The following MUC5AC variants were observed in gnomAD, a reference collection of about 807,000 sequenced individuals.
The protein encoded by MUC5AC is mucin-5AC.
MUC5AC carries 158 observed loss-of-function variants against 169.7 expected under a neutral mutation model. The observed-to-expected ratio is 0.93, with a 90% CI of 0.82 to 1.06. The LOEUF (loss-of-function observed/expected upper bound fraction) is 1.06, where lower values mean the gene tolerates loss of function less well. Among genes scored for constraint, MUC5AC ranks in the 50% least tolerant of loss-of-function variants. The pLI is 0.00. For missense variants in MUC5AC, 4,359 were observed against 3,089.9 expected (o/e 1.41, Z -9.74); for synonymous variants, 1,975 against 1,237.0 (o/e 1.60, Z -12.52).
In MUC5AC at chr11:1,165,363, C is replaced by T; in HGVS notation, c.1191C>T (p.Val397=). Residue 397 remains valine (V), a synonymous_variant, in exon 10 of 49, where the codon GTC becomes GTT. Transcript: ENST00000621226. ...TCCCTGTGTCAAAGTGTGCCTGCGT[C>T]TACAACGGGGCTGCCTATGCCCCAG... The part of the protein sequence containing the change: ...GCVPVSKCAC[V]YNGAAYAPGA... 6.2e-7 allele frequency: 1 copy of T among 1,612,470 alleles called. No homozygotes were observed. The highest frequency in any genetic ancestry group is 8.5e-7 in the Non-Finnish European group (1 of 1,179,728).
intron 15 of MUC5AC, among the ~76,000 whole-genome samples, chr11:1,170,223 T>C (rs1860463899): frequency 2.1e-5 from 1 of 47,460 alleles, no homozygotes; most frequent in Non-Finnish European, 3.6e-5. Context: ...ATTCACCCAT[T>C]CACTCACTCA....
At chr11:1,170,148 C>G (rs1860460574) in intron 15 of MUC5AC, among the ~76,000 whole-genome samples, 2 of 75,218 alleles carry the variant, frequency 2.7e-5, no homozygotes, top group African/African-American at 6.8e-5. Context: ...CCCACTCACC[C>G]ATTCACCCAT....
chr11:1,163,389 C>A (rs1292791906), intron 6 of MUC5AC, among the ~76,000 whole-genome samples: 2 of 152,212 alleles, frequency 1.3e-5, no homozygotes, highest in Non-Finnish European at 2.9e-5. Flanking sequence ...ATGTGACCTG[C>A]ACCAGCCAAG....
chr11:1,166,907 T>C (rs1173718075), intron 11 of MUC5AC, among the ~76,000 whole-genome samples: 218 of 3,690 alleles, frequency 0.059, 9 homozygotes, highest in East Asian at 0.23. Context: ...ACACAGTCTC[T>C]GCACGATGAG....
chr11:1,196,812 G>T lies in MUC5AC; in HGVS notation c.15830-65G>T. On this transcript the variant is annotated intron_variant, in intron 39 of 48. Coordinates refer to ENST00000621226, the MANE Select transcript of MUC5AC (RefSeq NM_001304359.2). Reference sequence around the variant, plus strand: ...GGGGTCTACCCTGGCCCCAATATGGGACCCTGCCTCTCGCCCCTATTGTGG... The same window carrying T: ...GGGGTCTACCCTGGCCCCAATATGGTACCCTGCCTCTCGCCCCTATTGTGG... The T allele has an allele frequency of 4.0e-6, 3 of 744,558 alleles. No individual in the cohort carries two copies. In the South Asian group the frequency reaches 4.2e-5, roughly 10 times the overall value. The allele number at this position is 744,558 out of a possible 1,614,324, so 46.1% of individuals were successfully genotyped here.
At chr11:1,178,298 C>G in intron 24 of MUC5AC, 146 bp from the exon 25 acceptor site, 1 of 399,046 alleles carries the variant, frequency 2.5e-6, no homozygotes, top group Non-Finnish European at 4.4e-6. Flanking sequence ...GGAAGCAGCA[C>G]CTGTGGTCGC....
chr11:1,161,945 T>A lies in MUC5AC; in HGVS notation c.250T>A (p.Trp84Arg). ...PAHNGRVCST[W>R]GSFHYKTFDG... ...GCACAACGGGCGGGTGTGCAGCACC[T>A]GGGGCAGCTTCCACTACAAGACCTT... Residue 84 changes from tryptophan to arginine, a missense_variant, in exon 4 of 49, where the codon TGG (tryptophan) becomes AGG (arginine). By Grantham distance (101) the Trp-to-Arg change is moderately radical (BLOSUM62 -3). Transcript: ENST00000621226. 6.2e-7 allele frequency: 1 copy of A among 1,611,954 alleles called. No individual in the cohort carries two copies. Among genetic ancestry groups the A allele is most frequent in the Non-Finnish European group, 8.5e-7 (1 of 1,179,620 alleles).
At chr11:1,158,099 C>T in intron 1 of MUC5AC, 27 bp downstream of exon 1, 2 of 1,575,836 alleles carry the variant, frequency 1.3e-6, no homozygotes, top group South Asian at 1.2e-5. Flanking sequence ...GGCCGCTCTA[C>T]TGGTCCTGGG....
chr11:1,189,234 A>G lies in MUC5AC; in HGVS notation c.11089A>G (p.Thr3697Ala), dbSNP rs1198153906. 1.0e-5 allele frequency: 6 copies of G among 593,360 alleles called. No individual in the cohort carries two copies. The highest frequency in any genetic ancestry group is 3.7e-5 in the African/African-American group (2 of 53,778). The allele number at this position is 593,360 out of a possible 1,614,324, so 36.8% of individuals were successfully genotyped here. The change falls in exon 31 of 49, where the codon ACC becomes GCC. Residue 3697 changes from threonine (T) to alanine (A), a missense_variant. Transcript: ENST00000621226. ...AACCTCTGCCCCAACAACCAGCACA[A>G]CCTCTGCTCCCACAACGAGCACAAC... Reference protein sequence around the residue: ...STTSAPTTSTTSAPTTSTTSA... With the variant: ...STTSAPTTSTASAPTTSTTSA...
At chr11:1,194,816 G>A (rs577136640) in intron 35 of MUC5AC, 146 bp downstream of exon 35, 10 of 610,334 alleles carry the variant, frequency 1.6e-5, no homozygotes, top group African/African-American at 5.5e-5. Flanking sequence ...TGAGGCTTAC[G>A]CCTGCCGGTA....
Position 1,166,150 on chromosome 11 carries a change from G to C in MUC5AC, c.1386+390G>C, listed in dbSNP as rs182774201. 2.8e-4 allele frequency among the ~76,000 whole-genome samples: 42 copies of C among 151,610 alleles called. No homozygotes were observed. The East Asian group carries it at 7.6e-3, about 27-fold the overall frequency. On this transcript the variant is annotated intron_variant, in intron 11 of 48. Coordinates refer to ENST00000621226, the MANE Select transcript of MUC5AC (RefSeq NM_001304359.2). ...CAAACACACAGTCTCTCCCAGAGGAGACCCTGCACCCAACACACAGTCTCC... is the reference window on the plus strand; with the variant it reads ...CAAACACACAGTCTCTCCCAGAGGACACCCTGCACCCAACACACAGTCTCC...
At chr11:1,182,099 G>GA in intron 30 of MUC5AC, 56 bp from the exon 31 acceptor site, 1 of 246,352 alleles carries the variant, frequency 4.1e-6, no homozygotes, top group Non-Finnish European at 6.3e-6. Flanking sequence ...AGGGAGGGGC[G>GA]GGCGGCCCCC....
chr11:1,193,993 C>T (rs1025235289), intron 33 of MUC5AC, 117 bp from the exon 34 acceptor site: 11 of 673,828 alleles, frequency 1.6e-5, no homozygotes, highest in African/African-American at 1.0e-4. Context: ...GTCTTGTGCG[C>T]CCTGTGAGAT....
Position 1,200,589 on chromosome 11 carries a change from C to A in MUC5AC, c.16852C>A (p.Arg5618=). The change falls in exon 49 of 49, where the codon CGG becomes AGG. Residue 5618 remains arginine, a synonymous_variant. Coordinates refer to ENST00000621226, the MANE Select transcript of MUC5AC (RefSeq NM_001304359.2). ...GGAAGAGTGCGGCTGCATGGGCCGG[C>A]GGTGCCCTGCGCCGGGCGACACCCA... is the stretch of plus-strand genomic sequence containing the variant. ...EVEECGCMGR[R]CPAPGDTQHS... The A allele has an allele frequency of 2.6e-6, 2 of 764,454 alleles. No homozygotes were observed. Among genetic ancestry groups the A allele is most frequent in the South Asian group, 1.3e-5 (1 of 74,562 alleles). The allele number at this position is 764,454 out of a possible 1,614,324, so 47.4% of individuals were successfully genotyped here. A position where few individuals can be genotyped will look rare whatever the true frequency, so the allele number is the denominator to read the frequency against.
chr11:1,173,641 C>T (rs1860608150), intron 16 of MUC5AC, among the ~76,000 whole-genome samples: 7 of 151,216 alleles, frequency 4.6e-5, no homozygotes, highest in Admixed American at 4.6e-4. Context: ...CTCACTCATC[C>T]ACTCACTGAT....
In MUC5AC at chr11:1,179,358, A is replaced by G. The variant is rs919229290; in HGVS notation, c.3484+110A>G. The G allele has an allele frequency of 4.9e-5, 23 of 465,580 alleles. 1 individual carries two copies. The Admixed American group carries it at 8.1e-4, about 16-fold the overall frequency. 28.8% of individuals were successfully genotyped at this position (465,580 alleles called of 1,614,324 possible). On this transcript the variant is annotated intron_variant, in intron 26 of 48. Transcript: ENST00000621226. The stretch of plus-strand genomic sequence containing the variant: ...GTGGGGCGGGTGGGGAAGGTTTCCA[A>G]ATAAACAGAAACACCTGGGCCCAGA...
rs769695038 is a variant in MUC5AC, at chr11:1,194,669, C to T, written c.15189C>T (p.Cys5063=). 13 of 754,066 alleles carry T rather than the reference C, an allele frequency of 1.7e-5. No individual in the cohort carries two copies. The highest frequency in any genetic ancestry group is 1.2e-4 in the East Asian group (5 of 41,018). 46.7% of individuals were successfully genotyped at this position (754,066 alleles called of 1,614,324 possible). Residue 5063 remains cysteine (C), a splice_region_variant and synonymous_variant, in exon 35 of 49, where the codon TGC becomes TGT. Coordinates refer to ENST00000621226, the MANE Select transcript of MUC5AC (RefSeq NM_001304359.2). The part of the protein sequence containing the change: ...SKFANNTEGQ[C]GTCTNDRKDE... ...TTGCCAACAACACCGAGGGCCAGTGCGGTGAGGCCACAGGGCTCCCGGGCA... is the reference window on the plus strand; with the variant it reads ...TTGCCAACAACACCGAGGGCCAGTGTGGTGAGGCCACAGGGCTCCCGGGCA...
chr11:1,194,056 G>A (rs934627120), intron 33 of MUC5AC, 54 bp from the exon 34 acceptor site: 50 of 755,020 alleles, frequency 6.6e-5, no homozygotes, highest in Non-Finnish European at 1.1e-4. Context: ...AAAGCCCCAG[G>A]GCCATGGTGC....
chr11:1,200,254 G>T (rs1041451731), intron 48 of MUC5AC, among the ~76,000 whole-genome samples, 184 bp from the exon 49 acceptor site: 4 of 152,260 alleles, frequency 2.6e-5, no homozygotes, highest in Non-Finnish European at 2.9e-5. Context: ...CGGAGCCGGG[G>T]TCGGCCCTGG....
Sources: allele counts gnomAD v4.1 joint callset (sites outside exome capture counted in the v4.1 genomes callset), GRCh38; gene constraint gnomAD v4.1.1; transcripts MANE v1.5; gene names NCBI Gene and HGNC (gene_info 2026-07-23, HGNC 2026-07-21).